GTF2F2: variants seen among roughly 807,000 people sequenced by gnomAD.
GTF2F2 encodes general transcription factor IIF subunit 2.
In GTF2F2, 23 loss-of-function variants were observed where a neutral mutation model predicts 42.2. That is an observed-to-expected ratio of 0.55 (90% CI 0.39 to 0.77). The LOEUF is 0.77. Among genes scored for constraint, GTF2F2 ranks in the 30% least tolerant of loss-of-function variants. The pLI is 0.00. For synonymous variants in GTF2F2, 105 were observed against 100.8 expected, an observed-to-expected ratio of 1.04 and a Z score of -0.25; for missense variants, 261 against 287.2, an observed-to-expected ratio of 0.91 and a Z score of 0.66.
In GTF2F2 at chr13:45,267,475, T is replaced by C. The variant is rs1179170577; in HGVS notation, c.630+99T>C. ...ACATGATTTAGTTCACATTTACCTA[T>C]GCTAATGACTAATTTTATGACAACA... On this transcript the variant is annotated intron_variant, in intron 7 of 7. Transcript: ENST00000340473. The C allele has an allele frequency of 4.0e-6, 3 of 758,478 alleles. No individual in the cohort carries two copies. In the Admixed American group the frequency reaches 8.6e-5, roughly 22 times the overall value. 47.0% of individuals were successfully genotyped at this position (758,478 alleles called of 1,614,324 possible). A position where few individuals can be genotyped will look rare whatever the true frequency, so the allele number is the denominator to read the frequency against.
chr13:45,278,633 C>A (rs1033509157), intron 7 of GTF2F2, among the ~76,000 whole-genome samples: 1 of 151,788 alleles, frequency 6.6e-6, no homozygotes, highest in African/African-American at 2.4e-5. Flanking sequence ...GAGGAGAACT[C>A]CTTTCTCTAG....
chr13:45,199,375 T>C (rs1873062058), intron 4 of GTF2F2, among the ~76,000 whole-genome samples: 1 of 152,236 alleles, frequency 6.6e-6, no homozygotes, highest in African/African-American at 2.4e-5. Flanking sequence ...ATTTCTTTGA[T>C]TTTCACTACA....
intron 6 of GTF2F2, among the ~76,000 whole-genome samples, chr13:45,263,288 C>T (rs1477290586): frequency 4.6e-5 from 7 of 151,260 alleles, no homozygotes; most frequent in African/African-American, 9.7e-5. Flanking sequence ...AGTGCAGTGG[C>T]GCGATCTCGG....
At chr13:45,131,210 G>GAAAAAA (rs770146191) in intron 1 of GTF2F2, among the ~76,000 whole-genome samples, 1 of 133,586 alleles carries the variant, frequency 7.5e-6, no homozygotes. Flanking sequence ...CTCAGTCTCA[G>GAAAAAA]AAAAAAAAAA....
intron 2 of GTF2F2, among the ~76,000 whole-genome samples, chr13:45,141,069 C>G (rs1869905605): frequency 6.6e-6 from 1 of 152,220 alleles, no homozygotes; most frequent in East Asian, 1.9e-4. Flanking sequence ...TGTTCTCCTT[C>G]CATGTAATAT....
chr13:45,207,181 G>T, intron 4 of GTF2F2: 1 of 420,796 alleles, frequency 2.4e-6, no homozygotes, highest in East Asian at 3.7e-5. Context: ...GTGTATAAAA[G>T]CTGTTCCTGG....
chr13:45,184,488 A>G (rs1872324120), intron 4 of GTF2F2, among the ~76,000 whole-genome samples: 1 of 150,710 alleles, frequency 6.6e-6, no homozygotes, highest in South Asian at 2.1e-4. Flanking sequence ...TCTTGGGCTC[A>G]AGCAATCTTC....
intron 7 of GTF2F2, among the ~76,000 whole-genome samples, chr13:45,277,726 A>C (rs1877094992): frequency 6.6e-6 from 1 of 152,262 alleles, no homozygotes; most frequent in Non-Finnish European, 1.5e-5. Flanking sequence ...TCATTCACAC[A>C]AAAATCATGT....
Position 45,246,801 on chromosome 13 carries a change from G to A in GTF2F2, c.387-6070G>A, listed in dbSNP as rs576016214. Among the ~76,000 whole-genome samples, 53 of 152,256 alleles carry A rather than the reference G, an allele frequency of 3.5e-4. No homozygotes were observed. In the South Asian group the frequency reaches 0.011, roughly 30 times the overall value. ...GCCTGTAATCCCAGCACTTTGGGAGGCCAATGCGGGCGGATCACGAGGTCA... is the reference window on the plus strand; with the variant it reads ...GCCTGTAATCCCAGCACTTTGGGAGACCAATGCGGGCGGATCACGAGGTCA... On this transcript the variant is annotated intron_variant, in intron 5 of 7. Transcript: ENST00000340473.
chr13:45,185,040 C>G (rs913839635), intron 4 of GTF2F2, among the ~76,000 whole-genome samples: 3 of 152,072 alleles, frequency 2.0e-5, no homozygotes, highest in Non-Finnish European at 4.4e-5. Context: ...CTAGGCTGGT[C>G]TTGAACTCCT....
chr13:45,120,911 G>A (rs981854793), intron 1 of GTF2F2, among the ~76,000 whole-genome samples, 190 bp downstream of exon 1: 22 of 152,192 alleles, frequency 1.4e-4, no homozygotes, highest in Non-Finnish European at 3.2e-4. Context: ...GGGACGCAAA[G>A]TGTCTTTCAG....
chr13:45,124,514 T>A (rs1249673789), intron 1 of GTF2F2, among the ~76,000 whole-genome samples: 1 of 151,422 alleles, frequency 6.6e-6, no homozygotes, highest in Non-Finnish European at 1.5e-5. Flanking sequence ...CTGACCACCA[T>A]GCCCAGCTAA....
At chr13:45,275,986 C>A (rs1456420132) in intron 7 of GTF2F2, among the ~76,000 whole-genome samples, 1 of 152,174 alleles carries the variant, frequency 6.6e-6, no homozygotes, top group African/African-American at 2.4e-5. Context: ...AACCTACATG[C>A]ATCCTCCAGT....
At chr13:45,283,401 A>G in intron 7 of GTF2F2, 41 bp from the exon 8 acceptor site, 1 of 1,570,896 alleles carries the variant, frequency 6.4e-7, no homozygotes, top group South Asian at 1.2e-5. Flanking sequence ...TGTCCCCTGC[A>G]TTTATAATCT....
At chr13:45,203,622 C>G (rs1313857643) in intron 4 of GTF2F2, among the ~76,000 whole-genome samples, 2 of 152,126 alleles carry the variant, frequency 1.3e-5, no homozygotes, top group East Asian at 1.9e-4. Flanking sequence ...CTCATACTTG[C>G]AATTTAATGG....
rs1047098349 is a variant in GTF2F2 at position 45,193,648 on chromosome 13, G to A, written c.305-13776G>A. The A allele has an allele frequency of 5.6e-6, 4 of 719,238 alleles. No homozygotes were observed. In the African/African-American group the frequency reaches 7.1e-5, roughly 13 times the overall value. 44.6% of individuals were successfully genotyped at this position (719,238 alleles called of 1,614,324 possible). On this transcript the variant is annotated intron_variant, in intron 4 of 7. Transcript: ENST00000340473. ...TCTTTAGCGATAGAATTTACATACCGTTAGCTCACAGTAATTGATTAGTAG... is the reference window on the plus strand; with the variant it reads ...TCTTTAGCGATAGAATTTACATACCATTAGCTCACAGTAATTGATTAGTAG...
At chr13:45,199,651 G>A (rs1479486656) in intron 4 of GTF2F2, among the ~76,000 whole-genome samples, 2 of 152,112 alleles carry the variant, frequency 1.3e-5, no homozygotes, top group African/African-American at 4.8e-5. Context: ...CATTTTTATA[G>A]TGCTATTTGG....
chr13:45,281,550 TTAGTATA>T lies in GTF2F2; in HGVS notation c.631-1887_631-1881del, dbSNP rs538217440. Reference sequence around the variant, plus strand: ...ACCTTAAGCCAGATGTGGTGGAACTTTAGTATATAGTTACATGAGTCGCCTAGGCACT... The same window carrying T: ...ACCTTAAGCCAGATGTGGTGGAACTTTAGTTACATGAGTCGCCTAGGCACT... On this transcript the variant is annotated intron_variant, in intron 7 of 7. Transcript: ENST00000340473. Among the ~76,000 whole-genome samples the T allele has an allele frequency of 3.8e-4, 58 of 152,224 alleles. No homozygotes were observed. In the South Asian group the frequency reaches 0.011, roughly 29 times the overall value.
intron 7 of GTF2F2, among the ~76,000 whole-genome samples, chr13:45,272,114 T>TA (rs1428985205): frequency 2.7e-5 from 4 of 149,314 alleles, no homozygotes; most frequent in Admixed American, 6.7e-5. Flanking sequence ...TTTTATATTT[T>TA]AAAAAAAAGA....
Sources: gnomAD v4.1 joint callset for allele counts (sites outside exome capture counted in the v4.1 genomes callset) on GRCh38, gnomAD v4.1.1 for gene constraint, MANE v1.5 for transcripts, NCBI Gene and HGNC (gene_info 2026-07-23, HGNC 2026-07-21) for gene names.